The following FAM133A variants were observed in gnomAD, a reference collection of about 807,000 sequenced individuals.
The protein encoded by FAM133A is protein FAM133A.
For synonymous variants in FAM133A, 65 were observed against 58.6 expected (o/e 1.11, Z -0.50); for missense variants, 159 against 164.4 (o/e 0.97, Z 0.18).
intron 3 of FAM133A, among the ~76,000 whole-genome samples, chrX:93,706,966 A>G (rs1375375139): frequency 1.8e-5 from 2 of 112,072 alleles, no homozygotes; most frequent in Non-Finnish European, 3.8e-5. Context: ...TGCTTAAAAT[A>G]GTGTCTCCCC....
At chrX:93,687,429 A>G (rs1925606263) in intron 2 of FAM133A, among the ~76,000 whole-genome samples, 1 of 111,118 alleles carries the variant, frequency 9.0e-6, no homozygotes, top group South Asian at 3.8e-4. Flanking sequence ...CTCAGAAATC[A>G]CCACTAAAAA....
Position 93,709,983 on chromosome X carries a change from A to G in FAM133A, c.564A>G (p.Lys188=). The G allele has an allele frequency of 8.4e-7, 1 of 1,193,287 alleles. No homozygotes were observed. Among genetic ancestry groups the G allele is most frequent in the South Asian group, 1.9e-5 (1 of 52,786 alleles). The change falls in exon 4 of 4, where the codon AAA becomes AAG. Residue 188 remains lysine, a synonymous_variant. Transcript: ENST00000683942. ...KKRKKSYPDD[K]PLSSESSSES... is the part of the protein sequence containing the mutation. The stretch of plus-strand genomic sequence containing the variant: ...GAAAGAAAAGTTACCCTGATGATAA[A>G]CCTTTATCATCTGAGTCCTCATCTG...
intron 2 of FAM133A, among the ~76,000 whole-genome samples, chrX:93,685,890 C>T (rs896417067): frequency 9.0e-6 from 1 of 110,990 alleles, no homozygotes; most frequent in Non-Finnish European, 1.9e-5. Flanking sequence ...GGACAGATCA[C>T]TTGAGGTCAG....
intron 2 of FAM133A, among the ~76,000 whole-genome samples, chrX:93,680,548 ATC>A (rs1925067800): frequency 9.0e-6 from 1 of 111,140 alleles, no homozygotes; most frequent in Non-Finnish European, 1.9e-5. Flanking sequence ...GGCTATACTA[ATC>A]CACATTACCA....
chrX:93,686,579 C>T (rs1345268908), intron 2 of FAM133A, among the ~76,000 whole-genome samples: 1 of 111,699 alleles, frequency 9.0e-6, no homozygotes, highest in African/African-American at 3.3e-5. Flanking sequence ...CTGAAGTAGC[C>T]CTGCAGACCA....
intron 3 of FAM133A, among the ~76,000 whole-genome samples, chrX:93,706,976 C>A (rs776719531): frequency 2.4e-4 from 27 of 111,963 alleles, no homozygotes; most frequent in Non-Finnish European, 3.6e-4. Context: ...AGTGTCTCCC[C>A]GTTAGCTTCA....
At chrX:93,679,915 A>ATTTTTTTTTTTTTTTTT (rs376335726) in intron 2 of FAM133A, among the ~76,000 whole-genome samples, 1 of 62,445 alleles carries the variant, frequency 1.6e-5, no homozygotes, top group African/African-American at 8.3e-5. Context: ...CTCCTGGCAA[A>ATTTTTTTTTTTTTTTTT]TTTTTTTTTT....
chrX:93,700,565 T>C (rs1247063931), intron 3 of FAM133A, among the ~76,000 whole-genome samples: 1 of 111,836 alleles, frequency 8.9e-6, no homozygotes, highest in Non-Finnish European at 1.9e-5. Context: ...AATATAGTCC[T>C]TTTTGATTCC....
intron 2 of FAM133A, among the ~76,000 whole-genome samples, chrX:93,675,760 T>C (rs1245327100): frequency 9.0e-6 from 1 of 111,586 alleles, no homozygotes; most frequent in Admixed American, 9.5e-5. Flanking sequence ...GTGCTTGTCA[T>C]ATGCCGGGCA....
chrX:93,691,555 G>T (rs1207631050), intron 2 of FAM133A, among the ~76,000 whole-genome samples: 1 of 111,713 alleles, frequency 9.0e-6, no homozygotes, highest in Non-Finnish European at 1.9e-5. Context: ...AGTAAGTTTT[G>T]AAATCAGAAA....
At chrX:93,699,767 A>G (rs1423716763) in intron 3 of FAM133A, among the ~76,000 whole-genome samples, 1 of 110,984 alleles carries the variant, frequency 9.0e-6, no homozygotes, top group East Asian at 2.8e-4. Context: ...ACTGCAGCAT[A>G]TATTGCCTAA....
chrX:93,685,988 A>G (rs1488538149), intron 2 of FAM133A, among the ~76,000 whole-genome samples: 1 of 108,286 alleles, frequency 9.2e-6, no homozygotes, highest in Non-Finnish European at 1.9e-5. Context: ...AGGCACCTGT[A>G]ATCCCAGTTA....
chrX:93,708,215 C>G (rs1382695485), intron 3 of FAM133A, among the ~76,000 whole-genome samples: 1 of 111,842 alleles, frequency 8.9e-6, no homozygotes, highest in Non-Finnish European at 1.9e-5. Context: ...ATTGGCCATG[C>G]TGGCTAAGCC....
At chrX:93,673,813 C>T (rs776800543), upstream of FAM133A, among the ~76,000 whole-genome samples, 1 of 107,496 alleles carries the variant, frequency 9.3e-6, no homozygotes, top group South Asian at 4.2e-4. Context: ...TCCCCCTGCC[C>T]CCCAAAAAGT....
At chrX:93,705,698 A>G (rs1377232928) in intron 3 of FAM133A, among the ~76,000 whole-genome samples, 7 of 110,824 alleles carry the variant, frequency 6.3e-5, no homozygotes, top group South Asian at 3.8e-4. Flanking sequence ...CCCTGTCTTT[A>G]TTCTTTGCCT....
intron 2 of FAM133A, among the ~76,000 whole-genome samples, chrX:93,687,697 A>G (rs1347983961): frequency 9.0e-6 from 1 of 111,168 alleles, no homozygotes; most frequent in Admixed American, 9.6e-5. Context: ...GAAATATACA[A>G]TGCATTGTCG....
chrX:93,696,257 C>T (rs921413546), intron 2 of FAM133A, among the ~76,000 whole-genome samples: 8 of 111,055 alleles, frequency 7.2e-5, no homozygotes, highest in Non-Finnish European at 1.3e-4. Flanking sequence ...CTTCACCCGC[C>T]GTATGCTTGG....
rs372112903 is a variant in FAM133A at position 93,700,037 on chromosome X, GT to G, written c.-104+1562del. Among the ~76,000 whole-genome samples the G allele has an allele frequency of 2.0e-3, 209 of 104,644 alleles. 1 individual carries two copies. The highest frequency in any genetic ancestry group is 5.2e-3 in the African/African-American group (150 of 29,058). 90.9% of individuals were successfully genotyped at this position (104,644 alleles called of 115,157 possible). On this transcript the variant is annotated intron_variant, in intron 3 of 3. Coordinates refer to ENST00000683942, the MANE Select transcript of FAM133A (RefSeq NM_001171109.2). ...TTCTAGAAAGAAGCCTCTGATACAT[GT>G]TTTTTTTTTAATTGAACTAGGATTA...
rs751457003 is a variant in FAM133A, at chrX:93,710,677, A to G, written c.*511A>G. On this transcript the variant is annotated 3_prime_UTR_variant, in exon 4 of 4. Transcript: ENST00000683942. ...TGGGAAGGGCAAGTGTTTGCTAATC[A>G]CTGTGGCTAGCTGAATAGTGTGCCT... 60 of 123,036 alleles carry G rather than the reference A, an allele frequency of 4.9e-4. No individual in the cohort carries two copies. The highest frequency in any genetic ancestry group is 4.5e-3 in the Middle Eastern group (1 of 221). The allele number at this position is 123,036 out of a possible 1,213,427, so 10.1% of individuals were successfully genotyped here. A position where few individuals can be genotyped will look rare whatever the true frequency, so the allele number is the denominator to read the frequency against.
Sources: gnomAD v4.1 joint callset for allele counts (sites outside exome capture counted in the v4.1 genomes callset) on GRCh38, gnomAD v4.1.1 for gene constraint, MANE v1.5 for transcripts, NCBI Gene and HGNC (gene_info 2026-07-23, HGNC 2026-07-21) for gene names.